SP110: variants seen among roughly 807,000 people sequenced by gnomAD.
SP110 encodes the protein SP110 nuclear body protein, also known as interferon-induced protein 41, 30kD.
SP110 carries 62 observed loss-of-function variants against 92.7 expected under a neutral mutation model. That is an observed-to-expected ratio of 0.67 (90% CI 0.55 to 0.83). SP110 has a LOEUF of 0.83. SP110 is among the 40% of genes least tolerant of loss of function. SP110 has a pLI of 0.00. For synonymous variants in SP110, 273 were observed against 305.3 expected (o/e 0.89, Z 1.10); for missense variants, 793 against 863.9 (o/e 0.92, Z 1.03).
chr2:230,221,729 A>G, upstream of SP110: 2 of 1,536,096 alleles, frequency 1.3e-6, no homozygotes, highest in African/African-American at 2.7e-5. Flanking sequence ...CATCACCTGG[A>G]AAGCCCCTTC....
intron 14 of SP110, 169 bp downstream of exon 14, chr2:230,177,369 A>G: frequency 1.3e-6 from 1 of 754,986 alleles, no homozygotes. Context: ...ATCAGGAACA[A>G]TATGTGCTCC....
At chr2:230,188,589 T>A (rs77623113) in intron 10 of SP110, among the ~76,000 whole-genome samples, 4,219 of 152,222 alleles carry the variant, frequency 0.028, 198 homozygotes, top group African/African-American at 0.096. Context: ...ATGCATTAGA[T>A]TTTTTCCCAT....
At chr2:230,181,304 C>G (rs764350097) in intron 12 of SP110, among the ~76,000 whole-genome samples, 1 of 152,250 alleles carries the variant, frequency 6.6e-6, no homozygotes, top group Non-Finnish European at 1.5e-5. Flanking sequence ...GGTATTCATA[C>G]TTGAAGAAGT....
At chr2:230,194,816 A>G (rs2042790629) in intron 10 of SP110, among the ~76,000 whole-genome samples, 1 of 152,150 alleles carries the variant, frequency 6.6e-6, no homozygotes, top group African/African-American at 2.4e-5. Context: ...GTCCACCTCA[A>G]CCCCATTCCC....
At chr2:230,204,825 G>A (rs1229373191) in intron 8 of SP110, among the ~76,000 whole-genome samples, 4 of 152,136 alleles carry the variant, frequency 2.6e-5, no homozygotes, top group Non-Finnish European at 5.9e-5. Context: ...CTGATGAAAA[G>A]GAGATAACTA....
At chr2:230,174,417 T>C (rs2041757570) in intron 14 of SP110, among the ~76,000 whole-genome samples, 1 of 152,214 alleles carries the variant, frequency 6.6e-6, no homozygotes, top group Non-Finnish European at 1.5e-5. Flanking sequence ...GGTTCTAGAA[T>C]CTGTCAAATT....
intron 14 of SP110, chr2:230,176,373 G>C: frequency 9.9e-7 from 1 of 1,011,170 alleles, no homozygotes; most frequent in Non-Finnish European, 1.3e-6. Context: ...TAGAGATGGG[G>C]TCTTGCTATG....
In SP110 at chr2:230,178,219, G is replaced by A. The variant is rs749939352; in HGVS notation, c.1385C>T (p.Ser462Phe). ...CTCACCACAGGTCACGGGGAGCTTA[G>A]AACAGTGAAAATCCACAGTGTCACT... ...PKSDTVDFHC[S>F]KLPVTCGEAK... Residue 462 changes from serine (S) to phenylalanine (F), a missense_variant, in exon 13 of 19, where the codon TCT (serine) becomes TTT (phenylalanine). Physicochemically the swap from Ser to Phe is radical, Grantham distance 155 (BLOSUM62 -2). Transcript: ENST00000258381. 1 of 1,613,524 alleles carries A rather than the reference G, an allele frequency of 6.2e-7. No individual in the cohort carries two copies. The highest frequency in any genetic ancestry group is 1.1e-5 in the South Asian group (1 of 91,038).
Position 230,192,277 on chromosome 2 carries a change from C to G in SP110, c.1130-6134G>C. ...CCTATTCAACATAGTATTAGAAGTT[C>G]TGGCCAGCACAATCAGGCAAGAGAA... On this transcript the variant is annotated intron_variant, in intron 10 of 18. Coordinates refer to ENST00000258381, the MANE Select transcript of SP110 (RefSeq NM_080424.4). Among the ~76,000 whole-genome samples, 2 of 152,166 alleles carry G rather than the reference C, an allele frequency of 1.3e-5. 1 individual carries two copies. The highest frequency in any genetic ancestry group is 3.8e-4 in the East Asian group (2 of 5,200).
intron 14 of SP110, chr2:230,173,764 T>C (rs2041722260): frequency 6.6e-6 from 1 of 152,192 alleles, no homozygotes; most frequent in Admixed American, 6.5e-5. Flanking sequence ...GATGGCCCAA[T>C]GTTATTGAAA....
chr2:230,201,088 T>C (rs1217787684), intron 9 of SP110, 123 bp from the exon 10 acceptor site: 2 of 775,800 alleles, frequency 2.6e-6, no homozygotes, highest in African/African-American at 1.7e-5. Flanking sequence ...CTTACCCTCC[T>C]AACAATGCAT....
At chr2:230,171,621 T>A in intron 17 of SP110, 75 bp downstream of exon 17, 1 of 1,120,352 alleles carries the variant, frequency 8.9e-7, no homozygotes. Flanking sequence ...CTGAGCAAAC[T>A]GCAGCACCTG....
In SP110 at chr2:230,196,370, T is replaced by A. The variant is rs115588204; in HGVS notation, c.1129+4515A>T. ...GTAACGTGCCATGCAGTTAAAAAAA[T>A]AGATAACATTGATACAGAGATGATA... On this transcript the variant is annotated intron_variant, in intron 10 of 18. Transcript: ENST00000258381. Among the ~76,000 whole-genome samples the A allele has an allele frequency of 7.2e-3, 1,100 of 152,082 alleles. 6 individuals carry two copies. Among genetic ancestry groups the A allele is most frequent in the Middle Eastern group, 0.024 (7 of 294 alleles).
intron 18 of SP110, among the ~76,000 whole-genome samples, chr2:230,170,313 C>T (rs970391491): frequency 6.6e-6 from 1 of 151,904 alleles, no homozygotes; most frequent in African/African-American, 2.4e-5. Context: ...ACTGCCTTTC[C>T]TTCCAGTTTG....
At chr2:230,198,091 T>TCTCTGTAGGACAATAGGACC in intron 10 of SP110, among the ~76,000 whole-genome samples, 1 of 149,774 alleles carries the variant, frequency 6.7e-6, no homozygotes, top group Non-Finnish European at 1.5e-5. Context: ...CACATGAAGT[T>TCTCTGTAGGACAATAGGACC]CTCTGTAGGA....
At position 230,167,667 on chromosome 2, in the gene SP110, C is replaced by T. The variant is rs2078331790; in HGVS notation, c.*1457G>A. ...CGCATCAAGAGGTAAGGTCTATTCT[C>T]CCTCCTTCTGAATCTGTCCCTGTGA... On this transcript the variant is annotated 3_prime_UTR_variant, in exon 19 of 19. Coordinates refer to ENST00000258381, the MANE Select transcript of SP110 (RefSeq NM_080424.4). 6.6e-6 allele frequency: 1 copy of T among 152,096 alleles called. No individual in the cohort carries two copies. The highest frequency in any genetic ancestry group is 1.5e-5 in the Non-Finnish European group (1 of 68,040). The allele number at this position is 152,096 out of a possible 1,614,324, so 9.4% of individuals were successfully genotyped here.
intron 5 of SP110, 21 bp downstream of exon 5, chr2:230,212,326 A>C (rs1443958838): frequency 1.3e-6 from 2 of 1,578,302 alleles, no homozygotes; most frequent in South Asian, 1.1e-5. Context: ...GCTAAGCGGT[A>C]TCAGCCCCAG....
Position 230,176,793 on chromosome 2 carries a change from C to G in SP110, c.1590+745G>C. 8 of 1,504,458 alleles carry G rather than the reference C, an allele frequency of 5.3e-6. No individual in the cohort carries two copies. In the South Asian group the frequency reaches 9.0e-5, roughly 17 times the overall value. 93.2% of individuals were successfully genotyped at this position (1,504,458 alleles called of 1,614,324 possible). Reference sequence around the variant, plus strand: ...TTTTCTTTTGTAGATACTGGCCTTCCCACTTCCTAGTGAATGTCTGTACCC... The same window carrying G: ...TTTTCTTTTGTAGATACTGGCCTTCGCACTTCCTAGTGAATGTCTGTACCC... On this transcript the variant is annotated intron_variant, in intron 14 of 18. Transcript: ENST00000258381.
At chr2:230,220,678 A>G (rs2045735207), upstream of SP110, among the ~76,000 whole-genome samples, 1 of 152,078 alleles carries the variant, frequency 6.6e-6, no homozygotes, top group Non-Finnish European at 1.5e-5. Flanking sequence ...AAAGATCCCT[A>G]ATGTACATTG....
Sources: allele counts gnomAD v4.1 joint callset (sites outside exome capture counted in the v4.1 genomes callset), GRCh38; gene constraint gnomAD v4.1.1; transcripts MANE v1.5; gene names NCBI Gene and HGNC (gene_info 2026-07-23, HGNC 2026-07-21).